Variants in RARRES1 observed in about 807,000 individuals in gnomAD.
RARRES1 encodes retinoic acid receptor responder protein 1.
A neutral mutation model predicts 30.6 loss-of-function variants in RARRES1; 34 were observed. The observed-to-expected ratio is 1.11, with a 90% CI of 0.84 to 1.48. The LOEUF (loss-of-function observed/expected upper bound fraction) is 1.48. Among genes scored for constraint, RARRES1 ranks in the 40% most tolerant of loss-of-function variants. The pLI is 0.00. For missense variants in RARRES1, 373 were observed against 386.5 expected, an observed-to-expected ratio of 0.97 and a Z score of 0.29; for synonymous variants, 153 against 155.5, an observed-to-expected ratio of 0.98 and a Z score of 0.12.
At chr3:158,707,671 A>ACAACAAGAATG (rs1726971628) in intron 3 of RARRES1, among the ~76,000 whole-genome samples, 1 of 152,210 alleles carries the variant, frequency 6.6e-6, no homozygotes, top group Non-Finnish European at 1.5e-5. Flanking sequence ...GAAAAAATGG[A>ACAACAAGAATG]AAAGCTTCAA....
At chr3:158,720,650 T>G (rs1727486394) in intron 1 of RARRES1, among the ~76,000 whole-genome samples, 1 of 152,112 alleles carries the variant, frequency 6.6e-6, no homozygotes, top group African/African-American at 2.4e-5. Flanking sequence ...TTTGTTTGTT[T>G]TTGAGATGGG....
chr3:158,708,786 C>A (rs927263501), intron 3 of RARRES1, among the ~76,000 whole-genome samples: 1 of 152,094 alleles, frequency 6.6e-6, no homozygotes, highest in African/African-American at 2.4e-5. Flanking sequence ...TTTGCCTCAG[C>A]CTCCCAAGTA....
chr3:158,721,946 C>T (rs1445445889), intron 1 of RARRES1, among the ~76,000 whole-genome samples: 1 of 152,022 alleles, frequency 6.6e-6, no homozygotes. Context: ...ACGAAATTAG[C>T]TGGGCGTGGT....
In RARRES1 at chr3:158,710,934, C is replaced by G. The variant is rs747314823; in HGVS notation, c.340-1G>C. The G allele has an allele frequency of 1.1e-5, 18 of 1,612,740 alleles. No homozygotes were observed. Among genetic ancestry groups the G allele is most frequent in the Non-Finnish European group, 1.4e-5 (17 of 1,179,144 alleles). On this transcript the variant is annotated splice_acceptor_variant, in intron 2 of 5. Coordinates refer to ENST00000237696, the MANE Select transcript of RARRES1 (RefSeq NM_206963.2). LOFTEE classifies it high-confidence loss of function. ...GTCCCTCACCTTCCTGAAGTAAAGA[C>G]TGTGGAGTTAAACAGGATACTTTAT...
At chr3:158,700,477 C>T (rs770449706) in intron 4 of RARRES1, among the ~76,000 whole-genome samples, 2 of 152,128 alleles carry the variant, frequency 1.3e-5, no homozygotes, top group Non-Finnish European at 2.9e-5. Context: ...GTAAAACCCT[C>T]TATCATTTGA....
intron 1 of RARRES1, among the ~76,000 whole-genome samples, chr3:158,724,583 G>T (rs1009688580): frequency 1.3e-5 from 2 of 152,144 alleles, no homozygotes; most frequent in African/African-American, 4.8e-5. Flanking sequence ...ACAAAGCCCT[G>T]CAGACACCTT....
In RARRES1 at chr3:158,704,937, A is replaced by G; in HGVS notation, c.536-10T>C. On this transcript the variant is annotated splice_polypyrimidine_tract_variant and intron_variant, in intron 3 of 5. Coordinates refer to ENST00000237696, the MANE Select transcript of RARRES1 (RefSeq NM_206963.2). Reference sequence around the variant, plus strand: ...ATATGTCCATGATTATCTGAGAGAGACAAAAAAAGCACATTTGTATTAATG... The same window carrying G: ...ATATGTCCATGATTATCTGAGAGAGGCAAAAAAAGCACATTTGTATTAATG... 1 of 1,596,362 alleles carries G rather than the reference A, an allele frequency of 6.3e-7. No homozygotes were observed. Among genetic ancestry groups the G allele is most frequent in the South Asian group, 1.1e-5 (1 of 87,296 alleles).
At position 158,732,435 on chromosome 3, in the gene RARRES1, C is replaced by A; in HGVS notation, c.-20G>T. ...CTGCATGGACGCAGGAAAGTTGGCT[C>A]GGCACCCGACAGACACGGGCTCGGA... On this transcript the variant is annotated 5_prime_UTR_variant, in exon 1 of 6. Coordinates refer to ENST00000237696, the MANE Select transcript of RARRES1 (RefSeq NM_206963.2). 6.6e-7 allele frequency: 1 copy of A among 1,516,966 alleles called. No individual in the cohort carries two copies. The highest frequency in any genetic ancestry group is 1.2e-5 in the South Asian group (1 of 82,812). The allele number at this position is 1,516,966 out of a possible 1,614,324, so 94.0% of individuals were successfully genotyped here.
intron 1 of RARRES1, among the ~76,000 whole-genome samples, chr3:158,722,769 C>G (rs1294848899): frequency 6.6e-6 from 1 of 151,418 alleles, no homozygotes; most frequent in African/African-American, 2.4e-5. Flanking sequence ...GTAGTCCCAG[C>G]TACTTGGGAG....
intron 4 of RARRES1, among the ~76,000 whole-genome samples, chr3:158,700,888 A>G (rs1261603742): frequency 3.3e-5 from 5 of 150,876 alleles, no homozygotes; most frequent in African/African-American, 4.9e-5. Flanking sequence ...AACCCACCCC[A>G]TGCCCCTCCA....
At chr3:158,703,046 G>T (rs780048057) in intron 4 of RARRES1, among the ~76,000 whole-genome samples, 6 of 152,088 alleles carry the variant, frequency 3.9e-5, no homozygotes, top group African/African-American at 1.2e-4. Flanking sequence ...TGAACAAAAC[G>T]AATTTTTTAA....
intron 1 of RARRES1, among the ~76,000 whole-genome samples, chr3:158,715,194 C>A (rs1041799277): frequency 3.3e-5 from 5 of 152,214 alleles, no homozygotes; most frequent in Non-Finnish European, 7.3e-5. Flanking sequence ...CTGTTAATCA[C>A]CTACTATGCC....
intron 1 of RARRES1, among the ~76,000 whole-genome samples, chr3:158,715,228 A>G (rs1727286365): frequency 1.3e-5 from 2 of 152,248 alleles, no homozygotes. Context: ...ATATAAAGAA[A>G]TATGATGTCC....
At chr3:158,713,533 C>T (rs868193372) in intron 2 of RARRES1, among the ~76,000 whole-genome samples, 1 of 152,064 alleles carries the variant, frequency 6.6e-6, no homozygotes, top group Non-Finnish European at 1.5e-5. Flanking sequence ...GAAATTCTCT[C>T]CCAGGGGTCC....
chr3:158,713,929 C>G, intron 1 of RARRES1, 70 bp from the exon 2 acceptor site: 2 of 1,364,278 alleles, frequency 1.5e-6, no homozygotes, highest in Middle Eastern at 1.8e-4. Context: ...AGGAATCACA[C>G]TCTTAGGATA....
intron 1 of RARRES1, among the ~76,000 whole-genome samples, chr3:158,714,611 GC>G (rs754087896): frequency 6.6e-6 from 1 of 152,212 alleles, no homozygotes; most frequent in Non-Finnish European, 1.5e-5. Flanking sequence ...TTAATGTTTA[GC>G]CTTTAAAACT....
At chr3:158,709,104 T>C (rs1727027620) in intron 3 of RARRES1, among the ~76,000 whole-genome samples, 1 of 152,200 alleles carries the variant, frequency 6.6e-6, no homozygotes, top group Non-Finnish European at 1.5e-5. Context: ...AACTTACAAG[T>C]TTTTCGATGA....
intron 4 of RARRES1, among the ~76,000 whole-genome samples, chr3:158,704,033 CT>C (rs1332049726): frequency 6.6e-6 from 1 of 151,896 alleles, no homozygotes; most frequent in Non-Finnish European, 1.5e-5. Context: ...AAACTGTGTC[CT>C]TCTAGTTAAT....
In RARRES1 at chr3:158,700,202, AGT is replaced by A. The variant is rs138755640; in HGVS notation, c.673-2234_673-2233del. On this transcript the variant is annotated intron_variant, in intron 4 of 5. Transcript: ENST00000237696. ...CGTCTTTATTTAAAAAATAATAATA[AGT>A]GTGTGTGTGTGTGTGTGTGTATATA... Among the ~76,000 whole-genome samples the A allele has an allele frequency of 1.0e-3, 151 of 147,768 alleles. 1 individual carries two copies. Among genetic ancestry groups the A allele is most frequent in the South Asian group, 2.0e-3 (9 of 4,584 alleles).
Sources: gnomAD v4.1 joint callset for allele counts (sites outside exome capture counted in the v4.1 genomes callset) on GRCh38, gnomAD v4.1.1 for gene constraint, MANE v1.5 for transcripts, NCBI Gene and HGNC (gene_info 2026-07-23, HGNC 2026-07-21) for gene names.